The following SLF1 variants were observed in gnomAD, a reference collection of about 807,000 sequenced individuals.
The protein encoded by SLF1 is SMC5/6 complex localization factor 1.
SLF1 carries 105 observed loss-of-function variants against 123.0 expected under a neutral mutation model. The observed-to-expected ratio is 0.85, with a 90% CI of 0.73 to 1.00. The LOEUF is 1.00. SLF1 is among the 50% of genes least tolerant of loss of function. The probability of loss-of-function intolerance (pLI) is 0.00; values close to 1 mark genes in which losing one functional copy is unlikely to be tolerated. For synonymous variants in SLF1, 434 were observed against 406.6 expected, an observed-to-expected ratio of 1.07 and a Z score of -0.81; for missense variants, 1,239 against 1,223.0, an observed-to-expected ratio of 1.01 and a Z score of -0.20.
chr5:94,670,507 A>AAT (rs1750316760), intron 13 of SLF1, among the ~76,000 whole-genome samples: 2 of 151,808 alleles, frequency 1.3e-5, no homozygotes, highest in African/African-American at 4.8e-5. Context: ...TTGGATGGAT[A>AAT]ATAGTGTTTT....
chr5:94,681,722 C>A (rs1346961554), intron 15 of SLF1, among the ~76,000 whole-genome samples: 1 of 150,746 alleles, frequency 6.6e-6, no homozygotes, highest in South Asian at 2.1e-4. Context: ...TGTTCAGTTC[C>A]CACCTATGAG....
At chr5:94,625,203 A>AT (rs1178061763) in intron 1 of SLF1, among the ~76,000 whole-genome samples, 9 of 91,802 alleles carry the variant, frequency 9.8e-5, no homozygotes, top group East Asian at 4.5e-4. Context: ...AAAAAAAAAA[A>AT]AAAAAATATT....
chr5:94,682,195 T>C lies in SLF1; in HGVS notation c.1975+3240T>C, dbSNP rs144180351. 5.9e-5 allele frequency among the ~76,000 whole-genome samples: 9 copies of C among 152,352 alleles called. No homozygotes were observed. In the East Asian group the frequency reaches 1.7e-3, roughly 29 times the overall value. On this transcript the variant is annotated intron_variant, in intron 15 of 20. Transcript: ENST00000265140. The stretch of plus-strand genomic sequence containing the variant: ...GCAAAATAATCCATCAACAGGATTA[T>C]AACAGTAACACTAAGGTTGAGTTTA...
At chr5:94,667,948 A>G (rs975437366) in intron 12 of SLF1, among the ~76,000 whole-genome samples, 2 of 151,540 alleles carry the variant, frequency 1.3e-5, no homozygotes, top group African/African-American at 4.8e-5. Flanking sequence ...GGGTTTTACC[A>G]TGTTTCCCAG....
At chr5:94,630,390 C>T (rs1362053978) in intron 3 of SLF1, 113 bp from the exon 4 acceptor site, 3 of 1,231,820 alleles carry the variant, frequency 2.4e-6, no homozygotes, top group East Asian at 5.1e-5. Flanking sequence ...ATGTTAGCAG[C>T]ATAGCTTAAG....
At chr5:94,654,499 T>C in intron 8 of SLF1, 131 bp from the exon 9 acceptor site, 1 of 528,654 alleles carries the variant, frequency 1.9e-6, no homozygotes, top group Non-Finnish European at 2.9e-6. Context: ...TCTTGATATA[T>C]GATTGTGAGG....
rs929901487 is a variant in SLF1, at chr5:94,697,029, A to G, written c.*1717A>G. The G allele has an allele frequency of 1.3e-5, 2 of 151,876 alleles. No individual in the cohort carries two copies. Among genetic ancestry groups the G allele is most frequent in the Non-Finnish European group, 2.9e-5 (2 of 67,890 alleles). The allele number at this position is 151,876 out of a possible 1,614,324, so 9.4% of individuals were successfully genotyped here. A position where few individuals can be genotyped will look rare whatever the true frequency, so the allele number is the denominator to read the frequency against. On this transcript the variant is annotated 3_prime_UTR_variant, in exon 21 of 21. Transcript: ENST00000265140. Reference sequence around the variant, plus strand: ...TCAACATCATGAGTTAGGGTTTTATACTGTTAGTACAAAGTAGTTTTCCAA... The same window carrying G: ...TCAACATCATGAGTTAGGGTTTTATGCTGTTAGTACAAAGTAGTTTTCCAA...
chr5:94,646,858 CTAT>C (rs1238927003), intron 5 of SLF1, among the ~76,000 whole-genome samples: 3 of 152,134 alleles, frequency 2.0e-5, no homozygotes, highest in Non-Finnish European at 4.4e-5. Flanking sequence ...AGAATTATTA[CTAT>C]TACTACCTTG....
intron 12 of SLF1, among the ~76,000 whole-genome samples, chr5:94,669,545 A>C (rs1366744336): frequency 6.6e-6 from 1 of 152,136 alleles, no homozygotes; most frequent in Non-Finnish European, 1.5e-5. Flanking sequence ...ATTTATATTT[A>C]AATTTTATTC....
intron 5 of SLF1, among the ~76,000 whole-genome samples, chr5:94,648,373 G>A (rs1402163426): frequency 6.6e-6 from 1 of 152,128 alleles, no homozygotes; most frequent in East Asian, 1.9e-4. Context: ...GAGTGAGAGG[G>A]AACTAAAGAT....
intron 9 of SLF1, among the ~76,000 whole-genome samples, chr5:94,660,635 A>T (rs919172068): frequency 1.3e-5 from 2 of 152,078 alleles, no homozygotes; most frequent in African/African-American, 2.4e-5. Flanking sequence ...AGGCTTCCAG[A>T]TGGCGCTTGT....
intron 15 of SLF1, 56 bp from the exon 16 acceptor site, chr5:94,686,517 G>T: frequency 6.4e-7 from 1 of 1,572,144 alleles, no homozygotes. Flanking sequence ...ATAGCCTATG[G>T]AAAAAATTGT....
intron 14 of SLF1, among the ~76,000 whole-genome samples, chr5:94,673,265 C>G (rs1750669668): frequency 6.6e-6 from 1 of 152,070 alleles, no homozygotes; most frequent in Non-Finnish European, 1.5e-5. Flanking sequence ...GAGTAGCTCC[C>G]TTGAGTACCT....
At chr5:94,622,849 TATATA>T (rs1377087114) in intron 1 of SLF1, among the ~76,000 whole-genome samples, 3 of 152,198 alleles carry the variant, frequency 2.0e-5, no homozygotes, top group Non-Finnish European at 4.4e-5. Flanking sequence ...AAACCAGCCC[TATATA>T]ATGTAGAGTA....
rs146699645 is a variant in SLF1 at position 94,671,124 on chromosome 5, A to G, written c.1827+116A>G. On this transcript the variant is annotated intron_variant, in intron 14 of 20. Coordinates refer to ENST00000265140, the MANE Select transcript of SLF1 (RefSeq NM_032290.4). Reference sequence around the variant, plus strand: ...TCGAAAACAATTAAAATGTACCCAAATATATCATTGTTTTCTATTTAGTTT... The same window carrying G: ...TCGAAAACAATTAAAATGTACCCAAGTATATCATTGTTTTCTATTTAGTTT... 182 of 756,772 alleles carry G rather than the reference A, an allele frequency of 2.4e-4. No individual in the cohort carries two copies. In the African/African-American group the frequency reaches 2.9e-3, roughly 12 times the overall value. The allele number at this position is 756,772 out of a possible 1,614,324, so 46.9% of individuals were successfully genotyped here.
At chr5:94,660,219 A>G (rs181889034) in intron 9 of SLF1, among the ~76,000 whole-genome samples, 3 of 152,214 alleles carry the variant, frequency 2.0e-5, no homozygotes, top group Admixed American at 2.0e-4. Flanking sequence ...TTCCTGGATG[A>G]CAAGTGCAGG....
intron 9 of SLF1, among the ~76,000 whole-genome samples, chr5:94,660,604 G>A (rs991578561): frequency 6.6e-6 from 1 of 152,174 alleles, no homozygotes; most frequent in Admixed American, 6.5e-5. Context: ...CAGTGGTGGC[G>A]GGTGGGGTAG....
chr5:94,645,953 A>G (rs1746986695), intron 5 of SLF1, among the ~76,000 whole-genome samples: 1 of 152,210 alleles, frequency 6.6e-6, no homozygotes, highest in South Asian at 2.1e-4. Flanking sequence ...GCCATGTAAA[A>G]TGACTGAGTT....
intron 7 of SLF1, 96 bp downstream of exon 7, chr5:94,651,941 T>G: frequency 1.8e-6 from 1 of 559,936 alleles, no homozygotes. Flanking sequence ...AAAAATGAGT[T>G]ATGTATCCAA....
Sources: allele counts gnomAD v4.1 joint callset (sites outside exome capture counted in the v4.1 genomes callset), GRCh38; gene constraint gnomAD v4.1.1; transcripts MANE v1.5; gene names NCBI Gene and HGNC (gene_info 2026-07-23, HGNC 2026-07-21).